GRM8: variants seen among roughly 807,000 people sequenced by gnomAD.
The protein encoded by GRM8 is metabotropic glutamate receptor 8.
In GRM8, 47 loss-of-function variants were observed where a neutral mutation model predicts 87.2. That is an observed-to-expected ratio of 0.54 (90% CI 0.43 to 0.69). The LOEUF is 0.69. GRM8 is among the 30% of genes least tolerant of loss of function. The probability of loss-of-function intolerance (pLI) is 0.00; values close to 1 mark genes in which losing one functional copy is unlikely to be tolerated. For synonymous variants in GRM8, 396 were observed against 404.5 expected, an observed-to-expected ratio of 0.98 and a Z score of 0.25; for missense variants, 1,019 against 1,139.2, an observed-to-expected ratio of 0.89 and a Z score of 1.52.
chr7:127,140,310 C>T (rs1421951236), intron 2 of GRM8, among the ~76,000 whole-genome samples: 1 of 152,102 alleles, frequency 6.6e-6, no homozygotes. Context: ...CCCAATCCCA[C>T]ACTTGTGACA....
chr7:127,246,677 C>A (rs1366356859), intron 1 of GRM8, among the ~76,000 whole-genome samples: 2 of 152,200 alleles, frequency 1.3e-5, no homozygotes, highest in East Asian at 1.9e-4. Flanking sequence ...GAAGCAGGCA[C>A]CCTGGCTGGA....
intron 3 of GRM8, among the ~76,000 whole-genome samples, chr7:126,916,245 T>G (rs1209292452): frequency 6.6e-6 from 1 of 152,246 alleles, no homozygotes; most frequent in Admixed American, 6.5e-5. Context: ...ACAGAATTAA[T>G]AATTTCATTA....
rs1470215106 is a variant in GRM8, at chr7:126,864,072, T to G, written c.1156+38470A>C. Among the ~76,000 whole-genome samples the G allele has an allele frequency of 2.2e-3, 317 of 145,662 alleles. 3 individuals are homozygous for G. The highest frequency in any genetic ancestry group is 7.8e-3 in the African/African-American group (310 of 39,732). ...TTTTTGTAGAGACAAAGTCTTGTTA[T>G]GTTTTCCAGGCTGTTCTTGAACACC... is the stretch of plus-strand genomic sequence containing the variant. On this transcript the variant is annotated intron_variant, in intron 6 of 10. Transcript: ENST00000339582.
chr7:127,219,473 A>C (rs1292457937), intron 2 of GRM8: 1 of 152,104 alleles, frequency 6.6e-6, no homozygotes, highest in African/African-American at 2.4e-5. Flanking sequence ...ACAGGGTCTC[A>C]CTCTGTCATC....
chr7:127,232,667 T>C (rs1198096407), intron 2 of GRM8, among the ~76,000 whole-genome samples: 1 of 152,162 alleles, frequency 6.6e-6, no homozygotes, highest in Non-Finnish European at 1.5e-5. Context: ...CCACTCAAAA[T>C]GAATATCCTC....
At chr7:126,842,377 A>C (rs1418747179) in intron 6 of GRM8, among the ~76,000 whole-genome samples, 1 of 152,220 alleles carries the variant, frequency 6.6e-6, no homozygotes, top group African/African-American at 2.4e-5. Context: ...AGGAACTCCC[A>C]CCCAAAACTA....
At chr7:126,859,247 G>C (rs1021307230) in intron 6 of GRM8, among the ~76,000 whole-genome samples, 1 of 152,026 alleles carries the variant, frequency 6.6e-6, no homozygotes, top group African/African-American at 2.4e-5. Context: ...GTTTTTCATT[G>C]AAATTTATTA....
chr7:126,830,112 C>A (rs1795216032), intron 6 of GRM8, among the ~76,000 whole-genome samples: 1 of 152,176 alleles, frequency 6.6e-6, no homozygotes, highest in Admixed American at 6.5e-5. Flanking sequence ...GTAACCCGAG[C>A]TTTCTCTCTG....
At chr7:126,524,548 C>T (rs1329649049) in intron 9 of GRM8, among the ~76,000 whole-genome samples, 1 of 152,046 alleles carries the variant, frequency 6.6e-6, no homozygotes, top group Non-Finnish European at 1.5e-5. Context: ...TTTCTTTCTT[C>T]AGTTGTGAAA....
chr7:126,948,108 A>C (rs1204562), intron 3 of GRM8, among the ~76,000 whole-genome samples: 116,320 of 152,012 alleles, frequency 0.77, 44,807 homozygotes, highest in East Asian at 0.96. Flanking sequence ...GTTCCAAGAC[A>C]AACCTGTTGC....
At position 127,057,386 on chromosome 7, in the gene GRM8, C is replaced by T. The variant is rs1421290007; in HGVS notation, c.727+49110G>A. Among the ~76,000 whole-genome samples, 3 of 151,776 alleles carry T rather than the reference C, an allele frequency of 2.0e-5. No individual in the cohort carries two copies. In the East Asian group the frequency reaches 5.8e-4, roughly 29 times the overall value. ...TCTGGAGAAGGTATTTAATAGTAAC[C>T]TAGATTTATATAACAACATTTGTTC... On this transcript the variant is annotated intron_variant, in intron 3 of 10. Transcript: ENST00000339582.
At chr7:126,938,694 A>G (rs905724001) in intron 3 of GRM8, among the ~76,000 whole-genome samples, 121 of 152,160 alleles carry the variant, frequency 8.0e-4, no homozygotes, top group African/African-American at 2.7e-3. Flanking sequence ...AATTAAGACA[A>G]TTTTCTTCTT....
chr7:126,894,653 A>G (rs1405912537), intron 6 of GRM8, among the ~76,000 whole-genome samples: 1 of 152,052 alleles, frequency 6.6e-6, no homozygotes, highest in Non-Finnish European at 1.5e-5. Flanking sequence ...AAGAGGGAAT[A>G]CTTCACCTTA....
intron 3 of GRM8, among the ~76,000 whole-genome samples, chr7:126,912,948 T>A (rs1361977): frequency 0.15 from 23,164 of 152,218 alleles, 2,022 homozygotes; most frequent in Non-Finnish European, 0.21. Flanking sequence ...AATTGTAGCC[T>A]GCACAAGTAG....
chr7:126,916,558 A>G (rs1444122681), intron 3 of GRM8, among the ~76,000 whole-genome samples: 1 of 152,216 alleles, frequency 6.6e-6, no homozygotes, highest in African/African-American at 2.4e-5. Flanking sequence ...AGAGCTTATA[A>G]TCTATGTGCA....
At chr7:126,485,737 T>C (rs1350084264) in intron 9 of GRM8, among the ~76,000 whole-genome samples, 1 of 151,912 alleles carries the variant, frequency 6.6e-6, no homozygotes, top group African/African-American at 2.4e-5. Flanking sequence ...ACTACAGTCC[T>C]AAGCTCCTGG....
intron 2 of GRM8, among the ~76,000 whole-genome samples, chr7:127,195,514 A>T (rs938454654): frequency 3.0e-4 from 46 of 152,186 alleles, no homozygotes; most frequent in African/African-American, 2.4e-5. Context: ...TTTTAGATTC[A>T]GCAACCCTAA....
rs1040871899 is a variant in GRM8 at position 126,497,631 on chromosome 7, T to C, written c.2430+35321A>G. On this transcript the variant is annotated intron_variant, in intron 9 of 10. Coordinates refer to ENST00000339582, the MANE Select transcript of GRM8 (RefSeq NM_000845.3). ...GTCATTATAACAACCCAATAATTGG[T>C]TTAACCTCTTAAAATTATTCTAGAT... 3.9e-5 allele frequency among the ~76,000 whole-genome samples: 6 copies of C among 152,024 alleles called. No homozygotes were observed. The East Asian group carries it at 9.8e-4, about 25-fold the overall frequency.
intron 8 of GRM8, among the ~76,000 whole-genome samples, chr7:126,566,274 A>G (rs1208379648): frequency 1.3e-5 from 2 of 152,216 alleles, no homozygotes; most frequent in Non-Finnish European, 2.9e-5. Context: ...AAAGTGATAT[A>G]TCTGAGAATG....
Sources: gnomAD v4.1 joint callset for allele counts (sites outside exome capture counted in the v4.1 genomes callset) on GRCh38, gnomAD v4.1.1 for gene constraint, MANE v1.5 for transcripts, NCBI Gene and HGNC (gene_info 2026-07-23, HGNC 2026-07-21) for gene names.